The following ST3GAL3 variants were observed in gnomAD, a reference collection of about 807,000 sequenced individuals.
ST3GAL3 encodes ST3 beta-galactoside alpha-2,3-sialyltransferase 3, also known as CMP-N-acetylneuraminate-beta-1,4-galactoside alpha-2,3-sialyltransferase.
ST3GAL3 carries 21 observed loss-of-function variants against 50.1 expected under a neutral mutation model. That is an observed-to-expected ratio of 0.42 (90% confidence interval 0.30 to 0.60). The LOEUF is 0.60. ST3GAL3 is among the 20% of genes least tolerant of loss of function. The pLI is 0.19. For missense variants in ST3GAL3, 353 were observed against 489.4 expected, an observed-to-expected ratio of 0.72 and a Z score of 2.63; for synonymous variants, 183 against 190.0, an observed-to-expected ratio of 0.96 and a Z score of 0.30.
chr1:43,911,558 T>C (rs921101394), intron 9 of ST3GAL3, among the ~76,000 whole-genome samples: 1 of 151,960 alleles, frequency 6.6e-6, no homozygotes, highest in African/African-American at 2.4e-5. Flanking sequence ...TAGATATCTA[T>C]AGACATATCT....
chr1:43,774,929 G>T (rs970310525), intron 2 of ST3GAL3, among the ~76,000 whole-genome samples: 2 of 152,064 alleles, frequency 1.3e-5, no homozygotes, highest in African/African-American at 4.8e-5. Flanking sequence ...AGTTACATCC[G>T]CGGTAAGTAA....
intron 5 of ST3GAL3, among the ~76,000 whole-genome samples, chr1:43,884,344 T>TC (rs1279159284): frequency 1.3e-5 from 2 of 152,218 alleles, no homozygotes; most frequent in African/African-American, 4.8e-5. Context: ...ACTCCTGCTC[T>TC]CCCATAGGAC....
Position 43,851,511 on chromosome 1 carries a change from C to T in ST3GAL3, c.302+13200C>T. 4 of 1,598,336 alleles carry T rather than the reference C, an allele frequency of 2.5e-6. No individual in the cohort carries two copies. The East Asian group carries it at 8.9e-5, about 36-fold the overall frequency. On this transcript the variant is annotated intron_variant, in intron 5 of 11. Coordinates refer to ENST00000347631, the MANE Select transcript of ST3GAL3 (RefSeq NM_006279.5). ...GCCTTAGTATCTCTGGCCCGGGTAC[C>T]CCTCAGAGTATTTGTTATTTAAGCA...
chr1:43,842,992 A>G (rs1016657872), intron 5 of ST3GAL3, among the ~76,000 whole-genome samples: 1 of 152,200 alleles, frequency 6.6e-6, no homozygotes, highest in Non-Finnish European at 1.5e-5. Context: ...ACTTTGTGCC[A>G]GTACCATTCA....
intron 4 of ST3GAL3, among the ~76,000 whole-genome samples, chr1:43,824,219 A>C (rs2154186265): frequency 6.6e-6 from 1 of 152,302 alleles, no homozygotes; most frequent in East Asian, 1.9e-4. Flanking sequence ...ATTTTTAGGG[A>C]GACGGAGTAC....
chr1:43,889,873 A>G (rs924330347), intron 5 of ST3GAL3, among the ~76,000 whole-genome samples: 7 of 152,236 alleles, frequency 4.6e-5, no homozygotes, highest in African/African-American at 1.4e-4. Context: ...TGAATTGGAA[A>G]TACTAGTTAC....
At chr1:43,739,277 T>C (rs986170275) in intron 2 of ST3GAL3, 1 of 152,150 alleles carries the variant, frequency 6.6e-6, no homozygotes, top group Non-Finnish European at 1.5e-5. Context: ...GGCTAGAGTT[T>C]TGTGGTGTGA....
intron 2 of ST3GAL3, among the ~76,000 whole-genome samples, chr1:43,788,990 T>G (rs2057709726): frequency 6.6e-6 from 1 of 151,858 alleles, no homozygotes; most frequent in African/African-American, 2.4e-5. Context: ...GTGTTCAACG[T>G]CTGAAGACAT....
At chr1:43,877,236 G>A (rs970136472) in intron 5 of ST3GAL3, among the ~76,000 whole-genome samples, 2 of 152,182 alleles carry the variant, frequency 1.3e-5, no homozygotes, top group Admixed American at 6.5e-5. Context: ...TCCCCAGCTA[G>A]GACTAAGGGG....
intron 5 of ST3GAL3, among the ~76,000 whole-genome samples, chr1:43,858,533 A>G (rs1298938439): frequency 6.6e-6 from 1 of 152,152 alleles, no homozygotes; most frequent in Non-Finnish European, 1.5e-5. Context: ...CCACGTGGGG[A>G]GTTCTTGCTG....
chr1:43,731,599 G>C lies in ST3GAL3; in HGVS notation c.-30-4634G>C, dbSNP rs567781485. On this transcript the variant is annotated intron_variant, in intron 1 of 11. Coordinates refer to ENST00000347631, the MANE Select transcript of ST3GAL3 (RefSeq NM_006279.5). The stretch of plus-strand genomic sequence containing the variant: ...TTTTTAGTAGAGATGGGGTTTCACT[G>C]TGTTAGCCAGGATGGTCTCGATCTC... Among the ~76,000 whole-genome samples the C allele has an allele frequency of 6.8e-4, 96 of 140,962 alleles. 1 individual carries two copies. The highest frequency in any genetic ancestry group is 2.4e-3 in the African/African-American group (92 of 37,718). 92.5% of individuals were successfully genotyped at this position (140,962 alleles called of 152,430 possible). A position where few individuals can be genotyped will look rare whatever the true frequency, so the allele number is the denominator to read the frequency against.
chr1:43,879,418 T>C (rs1553423131), intron 5 of ST3GAL3: 3 of 456,240 alleles, frequency 6.6e-6, no homozygotes, highest in South Asian at 4.6e-5. Context: ...GAATGGACTC[T>C]GAGAGAAAGA....
intron 4 of ST3GAL3, among the ~76,000 whole-genome samples, chr1:43,829,995 CTTTTTTTT>C (rs71579312): frequency 0.17 from 11,932 of 69,492 alleles, 594 homozygotes; most frequent in African/African-American, 0.25. Flanking sequence ...ATAAAAATTC[CTTTTTTTT>C]TTTTTTTTTT....
chr1:43,862,745 CAAAAAAAAAA>C (rs749080973), intron 5 of ST3GAL3, among the ~76,000 whole-genome samples: 4 of 104,414 alleles, frequency 3.8e-5, no homozygotes, highest in Non-Finnish European at 4.3e-5. Flanking sequence ...CTGTCTCTAC[CAAAAAAAAAA>C]AAAAAAAAAA....
At chr1:43,880,339 T>C (rs938517861) in intron 5 of ST3GAL3, among the ~76,000 whole-genome samples, 4 of 152,204 alleles carry the variant, frequency 2.6e-5, no homozygotes, top group Non-Finnish European at 4.4e-5. Context: ...AAAGAGTCGA[T>C]GTGGTGAGCA....
intron 9 of ST3GAL3, among the ~76,000 whole-genome samples, chr1:43,906,223 C>T (rs200218195): frequency 7.5e-6 from 1 of 133,384 alleles, no homozygotes. Context: ...CACTCTTCCT[C>T]CCCCTCCTCC....
chr1:43,800,997 A>G (rs1456533398), intron 3 of ST3GAL3, among the ~76,000 whole-genome samples: 1 of 152,188 alleles, frequency 6.6e-6, no homozygotes, highest in Non-Finnish European at 1.5e-5. Flanking sequence ...GCAATTCATC[A>G]TAGCCCAGAG....
In ST3GAL3 at chr1:43,857,586, C is replaced by CCCTT. The variant is rs1178598580; in HGVS notation, c.302+19323_302+19326dup. Among the ~76,000 whole-genome samples the CCCTT allele has an allele frequency of 9.8e-3, 843 of 85,974 alleles. 19 individuals carry two copies. Among genetic ancestry groups the CCCTT allele is most frequent in the South Asian group, 0.024 (50 of 2,066 alleles). 56.4% of individuals were successfully genotyped at this position (85,974 alleles called of 152,430 possible). On this transcript the variant is annotated intron_variant, in intron 5 of 11. Coordinates refer to ENST00000347631, the MANE Select transcript of ST3GAL3 (RefSeq NM_006279.5). ...TTCCTTCTTTCTTTCCTTCCTCCCT[C>CCCTT]CCTTCCTTCCTTCCTTCCTTCCTTC... is the stretch of plus-strand genomic sequence containing the variant.
rs1028653418 is a variant in ST3GAL3 at position 43,903,395 on chromosome 1, G to A, written c.744+3668G>A. Among the ~76,000 whole-genome samples, 6 of 152,270 alleles carry A rather than the reference G, an allele frequency of 3.9e-5. No individual in the cohort carries two copies. The South Asian group carries it at 1.2e-3, about 32-fold the overall frequency. On this transcript the variant is annotated intron_variant, in intron 9 of 11. Coordinates refer to ENST00000347631, the MANE Select transcript of ST3GAL3 (RefSeq NM_006279.5). ...CAGCCTCCCCCACTGCGCCTCAGCA[G>A]GCCACAGAAGCCCCTGGGAACTGCC... is the stretch of plus-strand genomic sequence containing the variant.
Sources: allele counts gnomAD v4.1 joint callset (sites outside exome capture counted in the v4.1 genomes callset), GRCh38; gene constraint gnomAD v4.1.1; transcripts MANE v1.5; gene names NCBI Gene and HGNC (gene_info 2026-07-23, HGNC 2026-07-21).